Variants in ZCCHC7 observed in about 807,000 individuals in gnomAD.
ZCCHC7 encodes zinc finger CCHC domain-containing protein 7.
A neutral mutation model predicts 52.0 loss-of-function variants in ZCCHC7; 35 were observed. The observed-to-expected ratio is 0.67, with a 90% CI of 0.51 to 0.89. The LOEUF is 0.89. Among genes scored for constraint, ZCCHC7 ranks in the 40% least tolerant of loss-of-function variants. ZCCHC7 has a pLI of 0.00. For synonymous variants in ZCCHC7, 217 were observed against 221.5 expected, an observed-to-expected ratio of 0.98 and a Z score of 0.18; for missense variants, 574 against 649.1, an observed-to-expected ratio of 0.88 and a Z score of 1.26.
chr9:37,304,350 A>T, intron 4 of ZCCHC7, 37 bp downstream of exon 4: 1 of 1,606,310 alleles, frequency 6.2e-7, no homozygotes. Context: ...CCACATTTGT[A>T]AACTCAAAAT....
Position 37,202,113 on chromosome 9 carries a change from T to A in ZCCHC7, c.610+75171T>A, listed in dbSNP as rs1823666052. Among the ~76,000 whole-genome samples the A allele has an allele frequency of 2.0e-5, 3 of 152,248 alleles. No individual in the cohort carries two copies. In the South Asian group the frequency reaches 6.2e-4, roughly 31 times the overall value. Reference sequence around the variant, plus strand: ...CTGATATAATGCATAAAAATAAAGATAGCACAGTGTGCAATAAAAAAGTTT... The same window carrying A: ...CTGATATAATGCATAAAAATAAAGAAAGCACAGTGTGCAATAAAAAAGTTT... On this transcript the variant is annotated intron_variant, in intron 2 of 8. Coordinates refer to ENST00000336755, the MANE Select transcript of ZCCHC7 (RefSeq NM_032226.3).
rs761537351 is a variant in ZCCHC7, at chr9:37,357,101, C to T, written c.1465C>T (p.Gln489Ter). ...TYSSPGSFKT[Q>*]KPSKPFHRSS... Reference sequence around the variant, plus strand: ...CTCTTCTCCTGGCAGTTTTAAAACCCAGAAGCCTTCTAAGCCCTTTCACCG... The same window carrying T: ...CTCTTCTCCTGGCAGTTTTAAAACCTAGAAGCCTTCTAAGCCCTTTCACCG... Residue 489 changes from glutamine (Q) to a stop codon, truncating the protein, a stop_gained, in exon 9 of 9, where the codon CAG becomes TAG. Coordinates refer to ENST00000336755, the MANE Select transcript of ZCCHC7 (RefSeq NM_032226.3). LOFTEE classifies it low-confidence loss of function (END_TRUNC). 3 of 1,613,760 alleles carry T rather than the reference C, an allele frequency of 1.9e-6. No individual in the cohort carries two copies. The Admixed American group carries it at 5.0e-5, about 27-fold the overall frequency.
chr9:37,213,772 A>G (rs947444660), intron 2 of ZCCHC7, among the ~76,000 whole-genome samples: 1 of 152,176 alleles, frequency 6.6e-6, no homozygotes, highest in South Asian at 2.1e-4. Flanking sequence ...TTGTTTCTAA[A>G]GTGTTTTGAT....
chr9:37,317,943 A>G (rs1490277405), intron 5 of ZCCHC7, among the ~76,000 whole-genome samples: 1 of 151,718 alleles, frequency 6.6e-6, no homozygotes, highest in Non-Finnish European at 1.5e-5. Flanking sequence ...TGATGGCACA[A>G]TTATCTGTAA....
intron 2 of ZCCHC7, among the ~76,000 whole-genome samples, chr9:37,280,960 TA>T (rs1827929848): frequency 6.6e-6 from 1 of 152,168 alleles, no homozygotes; most frequent in African/African-American, 2.4e-5. Flanking sequence ...GTAGATGTAA[TA>T]CATATGGCAA....
rs369958246 is a variant in ZCCHC7, at chr9:37,122,171, C to G, written c.-22+1548C>G. On this transcript the variant is annotated intron_variant, in intron 1 of 8. Transcript: ENST00000336755. ...AAATAAGAGCAAAAGGTCAGAATGA[C>G]CAGTAGGTAGACTGTGAGAGCAGAA... Among the ~76,000 whole-genome samples, 207 of 152,210 alleles carry G rather than the reference C, an allele frequency of 1.4e-3. 3 individuals are homozygous for G. In the South Asian group the frequency reaches 0.02, roughly 14 times the overall value.
intron 1 of ZCCHC7, chr9:37,121,675 A>G (rs1232654371): frequency 1.3e-5 from 2 of 152,210 alleles, no homozygotes; most frequent in Non-Finnish European, 2.9e-5. Context: ...TTAGCACGGT[A>G]AGAGACTGCA....
intron 2 of ZCCHC7, among the ~76,000 whole-genome samples, chr9:37,135,509 CTG>C (rs1361262346): frequency 6.6e-6 from 1 of 152,138 alleles, no homozygotes; most frequent in East Asian, 1.9e-4. Flanking sequence ...TGGTTTATGA[CTG>C]TTATGGTATA....
intron 2 of ZCCHC7, among the ~76,000 whole-genome samples, chr9:37,134,522 T>C (rs960144140): frequency 4.6e-5 from 7 of 152,220 alleles, no homozygotes; most frequent in African/African-American, 1.4e-4. Context: ...TTTATAATCA[T>C]GTAAAATGTG....
At chr9:37,120,485 A>G (rs920794094), upstream of ZCCHC7, 8 of 398,474 alleles carry the variant, frequency 2.0e-5, no homozygotes, top group African/African-American at 1.4e-4. Context: ...GGCGGTGACT[A>G]GAGCTGTGTT....
rs1290466070 is a variant in ZCCHC7, at chr9:37,198,612, AG to A, written c.610+71672del. On this transcript the variant is annotated intron_variant, in intron 2 of 8. Transcript: ENST00000336755. Reference sequence around the variant, plus strand: ...AAGATAATACAAAGTGGAAAGTGTTAGGTGCCAAAAGAGAAAGAATTCAGTT... The same window carrying A: ...AAGATAATACAAAGTGGAAAGTGTTAGTGCCAAAAGAGAAAGAATTCAGTT... 2.0e-5 allele frequency among the ~76,000 whole-genome samples: 3 copies of A among 152,238 alleles called. No homozygotes were observed. The East Asian group carries it at 5.8e-4, about 29-fold the overall frequency.
chr9:37,326,645 G>A (rs569188009), intron 5 of ZCCHC7, among the ~76,000 whole-genome samples: 2 of 151,784 alleles, frequency 1.3e-5, no homozygotes, highest in East Asian at 3.9e-4. Flanking sequence ...ATCAGTAGAG[G>A]TATTGGCATT....
chr9:37,127,081 G>A (rs1281933199), intron 2 of ZCCHC7, 139 bp downstream of exon 2: 7 of 1,018,316 alleles, frequency 6.9e-6, no homozygotes, highest in African/African-American at 1.6e-5. Context: ...TTTCTCATGC[G>A]ACTCTCTTAC....
In ZCCHC7 at chr9:37,304,065, A is replaced by C. The variant is rs1170190374; in HGVS notation, c.655-123A>C. On this transcript the variant is annotated intron_variant, in intron 3 of 8. Transcript: ENST00000336755. ...ATAATTCTCTTGCTTTATCAAGGTA[A>C]TGGAACTGACTTGAAGCTTGATGTA... The C allele has an allele frequency of 4.4e-6, 4 of 904,990 alleles. No homozygotes were observed. The African/African-American group carries it at 6.8e-5, about 15-fold the overall frequency. The allele number at this position is 904,990 out of a possible 1,614,324, so 56.1% of individuals were successfully genotyped here.
chr9:37,187,255 G>T lies in ZCCHC7; in HGVS notation c.610+60313G>T, dbSNP rs564044396. On this transcript the variant is annotated intron_variant, in intron 2 of 8. Transcript: ENST00000336755. ...GACACCAAGGACCAGTTTCATGGAA[G>T]AAAATTTTTCCATGGACAGGGGTCG... Among the ~76,000 whole-genome samples the T allele has an allele frequency of 2.8e-4, 43 of 152,282 alleles. 1 individual carries two copies. In the South Asian group the frequency reaches 7.9e-3, roughly 28 times the overall value.
In ZCCHC7 at chr9:37,126,487, A is replaced by G; in HGVS notation, c.155A>G (p.Glu52Gly). 1 of 1,613,686 alleles carries G rather than the reference A, an allele frequency of 6.2e-7. No individual in the cohort carries two copies. Among genetic ancestry groups the G allele is most frequent in the Non-Finnish European group, 8.5e-7 (1 of 1,180,026 alleles). Residue 52 changes from glutamate (E) to glycine (G), a missense_variant, in exon 2 of 9, where the codon GAA becomes GGA. This residue lies in a region of ZCCHC7 where 403 missense variants were observed against 461.2 expected (regional missense o/e 0.87). Transcript: ENST00000336755. ...AQDLDDVIREEEHEEKNSGNS... is the reference protein window; with the variant it reads ...AQDLDDVIREGEHEEKNSGNS... ...GATCTTGATGATGTCATCAGGGAGG[A>G]AGAGCATGAAGAAAAGAACTCTGGG... is the stretch of plus-strand genomic sequence containing the variant.
intron 2 of ZCCHC7, among the ~76,000 whole-genome samples, chr9:37,222,215 TA>T (rs1051085357): frequency 4.1e-4 from 59 of 143,182 alleles, no homozygotes; most frequent in Admixed American, 1.3e-3. Flanking sequence ...CATAGAAAAT[TA>T]AAAAAAAAAA....
chr9:37,342,038 A>G (rs1820669114), intron 6 of ZCCHC7, among the ~76,000 whole-genome samples: 1 of 152,146 alleles, frequency 6.6e-6, no homozygotes, highest in Non-Finnish European at 1.5e-5. Context: ...GCAGGCTATA[A>G]GGATCATCTT....
chr9:37,133,611 C>A (rs548147634), intron 2 of ZCCHC7, among the ~76,000 whole-genome samples: 1 of 151,804 alleles, frequency 6.6e-6, no homozygotes, highest in Non-Finnish European at 1.5e-5. Flanking sequence ...TTTTCTGAGA[C>A]GGAGTCTCGC....
Sources: gnomAD v4.1 joint callset for allele counts (sites outside exome capture counted in the v4.1 genomes callset) on GRCh38, gnomAD v4.1.1 for gene constraint, gnomAD v4.1.1 regional missense constraint, MANE v1.5 for transcripts, NCBI Gene and HGNC (gene_info 2026-07-23, HGNC 2026-07-21) for gene names.